PPME1: variants seen among roughly 807,000 people sequenced by gnomAD.
PPME1 encodes protein phosphatase methylesterase 1.
A neutral mutation model predicts 56.9 loss-of-function variants in PPME1; 17 were observed. The observed-to-expected ratio is 0.30, with a 90% CI of 0.20 to 0.45. The LOEUF (loss-of-function observed/expected upper bound fraction) is 0.45, where lower values mean the gene tolerates loss of function less well. Ranked by LOEUF, PPME1 falls within the 20% of genes least tolerant of loss-of-function variation. The pLI is 1.00. For synonymous variants in PPME1, 122 were observed against 156.2 expected, an observed-to-expected ratio of 0.78 and a Z score of 1.63; for missense variants, 357 against 483.2, an observed-to-expected ratio of 0.74 and a Z score of 2.45.
intron 1 of PPME1, among the ~76,000 whole-genome samples, chr11:74,172,388 G>T (rs1857279610): frequency 6.6e-6 from 1 of 152,202 alleles, no homozygotes; most frequent in African/African-American, 2.4e-5. Flanking sequence ...TTTGGTGAAT[G>T]GAAGTGCTGC....
At chr11:74,237,870 C>T (rs1427325884) in intron 8 of PPME1, 1 of 152,180 alleles carries the variant, frequency 6.6e-6, no homozygotes, top group East Asian at 1.9e-4. Context: ...CTTTGAATAA[C>T]CTGTGAGACT....
chr11:74,239,275 T>G lies in PPME1; in HGVS notation c.834+19T>G, dbSNP rs767898484. On this transcript the variant is annotated intron_variant, in intron 9 of 13. Transcript: ENST00000328257. Reference sequence around the variant, plus strand: ...CATGGAGGTGGGTAAAAACATTCATTCTTGAAAAGATGCGGTATGGAATGG... The same window carrying G: ...CATGGAGGTGGGTAAAAACATTCATGCTTGAAAAGATGCGGTATGGAATGG... 1 of 1,609,782 alleles carries G rather than the reference T, an allele frequency of 6.2e-7. No individual in the cohort carries two copies. Among genetic ancestry groups the G allele is most frequent in the Admixed American group, 1.7e-5 (1 of 59,146 alleles).
intron 3 of PPME1, among the ~76,000 whole-genome samples, chr11:74,211,010 C>A (rs977921349): frequency 2.0e-5 from 3 of 152,136 alleles, no homozygotes; most frequent in Non-Finnish European, 4.4e-5. Flanking sequence ...AAGCAGTTTA[C>A]AAAGTTGATG....
chr11:74,208,399 C>A (rs563769846), intron 3 of PPME1, among the ~76,000 whole-genome samples: 3 of 151,952 alleles, frequency 2.0e-5, no homozygotes, highest in African/African-American at 7.3e-5. Context: ...TACCAGGCAT[C>A]GTACAGGTGC....
chr11:74,229,315 G>C (rs1859009045), intron 5 of PPME1, among the ~76,000 whole-genome samples: 1 of 152,050 alleles, frequency 6.6e-6, no homozygotes, highest in South Asian at 2.1e-4. Context: ...CAAAAGAAGG[G>C]GGTAGAACTA....
chr11:74,246,038 T>TG, intron 9 of PPME1, 38 bp from the exon 10 acceptor site: 1 of 1,560,922 alleles, frequency 6.4e-7, no homozygotes, highest in South Asian at 1.2e-5. Context: ...CTCCAGGGGT[T>TG]GCCCTCGGAG....
chr11:74,218,772 C>T (rs372570601), intron 3 of PPME1, among the ~76,000 whole-genome samples: 1 of 152,000 alleles, frequency 6.6e-6, no homozygotes, highest in African/African-American at 2.4e-5. Context: ...AAGACTCAAA[C>T]TATGAAAGTA....
chr11:74,229,187 A>G (rs1258937953), intron 5 of PPME1, among the ~76,000 whole-genome samples: 3 of 152,182 alleles, frequency 2.0e-5, no homozygotes, highest in Non-Finnish European at 4.4e-5. Flanking sequence ...ACTATATATG[A>G]AAGTCTGTGT....
At chr11:74,189,563 G>A (rs986370869) in intron 1 of PPME1, among the ~76,000 whole-genome samples, 1 of 152,192 alleles carries the variant, frequency 6.6e-6, no homozygotes, top group Admixed American at 6.5e-5. Context: ...TGCCGGGATT[G>A]CAGGCATGAG....
chr11:74,192,347 T>C (rs569851289), intron 1 of PPME1, among the ~76,000 whole-genome samples: 1 of 152,234 alleles, frequency 6.6e-6, no homozygotes, highest in Non-Finnish European at 1.5e-5. Context: ...AGTAAATAAT[T>C]TGTTTTGGTT....
intron 3 of PPME1, among the ~76,000 whole-genome samples, chr11:74,218,565 G>A (rs979807510): frequency 1.3e-5 from 2 of 152,084 alleles, no homozygotes; most frequent in African/African-American, 4.8e-5. Flanking sequence ...ATAGACCAAT[G>A]GAACAGAATA....
chr11:74,198,091 A>G (rs1858039249), intron 1 of PPME1, among the ~76,000 whole-genome samples: 1 of 152,230 alleles, frequency 6.6e-6, no homozygotes, highest in Non-Finnish European at 1.5e-5. Flanking sequence ...AAAAAATTAT[A>G]CAGTTACCTA....
chr11:74,181,877 A>G (rs900177742), intron 1 of PPME1, among the ~76,000 whole-genome samples: 2 of 152,228 alleles, frequency 1.3e-5, no homozygotes, highest in Non-Finnish European at 1.5e-5. Flanking sequence ...GCCACAGACA[A>G]TATGTAACTG....
At chr11:74,187,327 T>C (rs1857711493) in intron 1 of PPME1, among the ~76,000 whole-genome samples, 1 of 152,212 alleles carries the variant, frequency 6.6e-6, no homozygotes, top group African/African-American at 2.4e-5. Flanking sequence ...ATAGATCAAT[T>C]TGAGAAGTAT....
chr11:74,201,615 C>T (rs940516199), intron 1 of PPME1, among the ~76,000 whole-genome samples: 22 of 152,120 alleles, frequency 1.4e-4, no homozygotes, highest in Admixed American at 8.5e-4. Flanking sequence ...AGTTGTGTGG[C>T]CTTGGCAAGT....
chr11:74,215,668 T>C (rs1001450777), intron 3 of PPME1, among the ~76,000 whole-genome samples: 2 of 151,994 alleles, frequency 1.3e-5, no homozygotes, highest in African/African-American at 2.4e-5. Context: ...AATAATAACA[T>C]TGAATGTAAA....
chr11:74,202,449 C>T (rs759254610), intron 1 of PPME1, among the ~76,000 whole-genome samples: 22 of 152,130 alleles, frequency 1.4e-4, no homozygotes, highest in Admixed American at 1.1e-3. Flanking sequence ...CCTACCCAGC[C>T]GCTGTGTTGT....
intron 7 of PPME1, among the ~76,000 whole-genome samples, chr11:74,232,756 C>T (rs1305974633): frequency 2.0e-5 from 3 of 151,416 alleles, no homozygotes; most frequent in East Asian, 1.9e-4. Flanking sequence ...CAGCTCTCAC[C>T]GCAGCCTTGA....
chr11:74,215,468 T>A (rs1301069892), intron 3 of PPME1, among the ~76,000 whole-genome samples: 1 of 152,188 alleles, frequency 6.6e-6, no homozygotes, highest in African/African-American at 2.4e-5. Context: ...GTCACCACTT[T>A]ACAATAATGG....
Sources: gnomAD v4.1 joint callset for allele counts (sites outside exome capture counted in the v4.1 genomes callset) on GRCh38, gnomAD v4.1.1 for gene constraint, MANE v1.5 for transcripts, NCBI Gene and HGNC (gene_info 2026-07-23, HGNC 2026-07-21) for gene names.